Variants in PIK3C2G observed in about 807,000 individuals in gnomAD.
PIK3C2G encodes phosphatidylinositol 3-kinase C2 domain-containing subunit gamma.
A neutral mutation model predicts 181.1 loss-of-function variants in PIK3C2G; 168 were observed. The ratio of observed to expected loss-of-function variants is 0.93; its 90% CI spans 0.82 to 1.05. The LOEUF (loss-of-function observed/expected upper bound fraction) is 1.05. Among genes scored for constraint, PIK3C2G ranks in the 50% least tolerant of loss-of-function variants. The pLI, the probability that PIK3C2G is intolerant of heterozygous loss-of-function variation, is 0.00. For missense variants in PIK3C2G, 1,869 were observed against 1,732.8 expected (o/e 1.08, Z -1.40); for synonymous variants, 573 against 592.2 (o/e 0.97, Z 0.47).
intron 31 of PIK3C2G, among the ~76,000 whole-genome samples, chr12:18,628,538 C>A (rs1949203323): frequency 6.6e-6 from 1 of 152,126 alleles, no homozygotes; most frequent in Non-Finnish European, 1.5e-5. Flanking sequence ...TTTAATTATT[C>A]ATGTACTTAA....
At chr12:18,350,880 G>T (rs900291065) in intron 11 of PIK3C2G, among the ~76,000 whole-genome samples, 10 of 152,150 alleles carry the variant, frequency 6.6e-5, no homozygotes, top group African/African-American at 2.4e-4. Flanking sequence ...TATGATAGTG[G>T]GGGATACCAG....
chr12:18,257,085 T>G (rs1948153115), upstream of PIK3C2G, among the ~76,000 whole-genome samples: 1 of 152,182 alleles, frequency 6.6e-6, no homozygotes, highest in Admixed American at 6.5e-5. Flanking sequence ...GAATATTGCA[T>G]GCTTTAATCT....
At chr12:18,324,321 A>T (rs1406851583) in intron 7 of PIK3C2G, among the ~76,000 whole-genome samples, 1 of 152,188 alleles carries the variant, frequency 6.6e-6, no homozygotes, top group African/African-American at 2.4e-5. Context: ...GAACTGACAG[A>T]GGGACTCCAA....
In PIK3C2G at chr12:18,505,652, A is replaced by G. The variant is rs79046291; in HGVS notation, c.3323+191A>G. On this transcript the variant is annotated intron_variant, in intron 24 of 32. Coordinates refer to ENST00000538779, the MANE Select transcript of PIK3C2G (RefSeq NM_001288772.2). The stretch of plus-strand genomic sequence containing the variant: ...GTAGATTTTTAATGCAACAAATTTG[A>G]TTTCCTCAAATTGGTAGTAGACTAA... Among the ~76,000 whole-genome samples, 574 of 152,310 alleles carry G rather than the reference A, an allele frequency of 3.8e-3. 1 individual carries two copies. Among genetic ancestry groups the G allele is most frequent in the African/African-American group, 0.013 (538 of 41,556 alleles).
At chr12:18,568,535 A>G (rs1373823872) in intron 29 of PIK3C2G, among the ~76,000 whole-genome samples, 1 of 151,978 alleles carries the variant, frequency 6.6e-6, no homozygotes, top group South Asian at 2.1e-4. Flanking sequence ...ACCAGAGGAG[A>G]TTATTTACCA....
chr12:18,349,849 T>C (rs1940053855), intron 11 of PIK3C2G, among the ~76,000 whole-genome samples: 1 of 152,188 alleles, frequency 6.6e-6, no homozygotes, highest in African/African-American at 2.4e-5. Context: ...AAACCTCTAG[T>C]ACCCAAAACA....
intron 12 of PIK3C2G, among the ~76,000 whole-genome samples, chr12:18,369,502 T>C (rs1162381701): frequency 8.7e-6 from 1 of 115,172 alleles, no homozygotes; most frequent in Admixed American, 9.4e-5. Flanking sequence ...TATGATCATA[T>C]AACGATCGTA....
At chr12:18,631,474 G>T (rs1403812492) in intron 31 of PIK3C2G, among the ~76,000 whole-genome samples, 1 of 152,164 alleles carries the variant, frequency 6.6e-6, no homozygotes, top group South Asian at 2.1e-4. Context: ...TTCTTCTTCT[G>T]TAATGTGGAG....
chr12:18,255,309 T>G (rs1366662879), intron 1 of PIK3C2G, among the ~76,000 whole-genome samples: 1 of 152,094 alleles, frequency 6.6e-6, no homozygotes, highest in Admixed American at 6.5e-5. Context: ...GAGTCTATTC[T>G]GATTCTATTT....
At chr12:18,334,861 A>T (rs1293570006) in intron 8 of PIK3C2G, among the ~76,000 whole-genome samples, 2 of 152,010 alleles carry the variant, frequency 1.3e-5, no homozygotes, top group Non-Finnish European at 2.9e-5. Context: ...GTGTGTGTGC[A>T]TGCATTTGTA....
chr12:18,250,357 C>T (rs1427100932), intron 1 of PIK3C2G, among the ~76,000 whole-genome samples: 2 of 151,942 alleles, frequency 1.3e-5, no homozygotes, highest in Non-Finnish European at 2.9e-5. Flanking sequence ...CATTATTGTC[C>T]TTTTTCATAC....
At chr12:18,620,442 A>G (rs1948803217) in intron 31 of PIK3C2G, among the ~76,000 whole-genome samples, 1 of 152,012 alleles carries the variant, frequency 6.6e-6, no homozygotes, top group South Asian at 2.1e-4. Context: ...TAGCTTTTCT[A>G]TTCTTTTATT....
chr12:18,279,261 GGTA>G (rs1305760560), intron 1 of PIK3C2G, among the ~76,000 whole-genome samples: 1 of 151,896 alleles, frequency 6.6e-6, no homozygotes, highest in Non-Finnish European at 1.5e-5. Context: ...TTTGCTCAGT[GGTA>G]GTAATAATAT....
chr12:18,694,998 A>G, the PIK3C2G span: 1 of 1,611,108 alleles, frequency 6.2e-7, no homozygotes, highest in Non-Finnish European at 8.5e-7. Context: ...TGGTTTCAAA[A>G]TATATCCAGA....
chr12:18,607,422 C>T (rs1948087460), intron 30 of PIK3C2G, among the ~76,000 whole-genome samples: 1 of 152,094 alleles, frequency 6.6e-6, no homozygotes, highest in Non-Finnish European at 1.5e-5. Flanking sequence ...TGATCTTAGA[C>T]AAACCTGACA....
intron 20 of PIK3C2G, chr12:18,493,457 T>C (rs578039437): frequency 6.6e-6 from 1 of 152,488 alleles, no homozygotes; most frequent in Admixed American, 6.5e-5. Context: ...TAGTCAGAAC[T>C]CATGCCTCAT....
chr12:18,334,535 C>A (rs1565608984), intron 8 of PIK3C2G, among the ~76,000 whole-genome samples: 1 of 152,162 alleles, frequency 6.6e-6, no homozygotes, highest in African/African-American at 2.4e-5. Flanking sequence ...TATGTCTCCA[C>A]ACTAAGTGCT....
At chr12:18,356,173 C>A (rs983326225) in intron 11 of PIK3C2G, among the ~76,000 whole-genome samples, 1 of 152,204 alleles carries the variant, frequency 6.6e-6, no homozygotes, top group African/African-American at 2.4e-5. Context: ...CTATCCCCTG[C>A]AAATGGCATA....
chr12:18,710,590 T>C, the PIK3C2G span, among the ~76,000 whole-genome samples: 19 of 151,970 alleles, frequency 1.3e-4, no homozygotes, highest in South Asian at 2.1e-4. Context: ...TGAGATGAGA[T>C]TGCAGGGGAA....
Sources: allele counts gnomAD v4.1 joint callset (sites outside exome capture counted in the v4.1 genomes callset), GRCh38; gene constraint gnomAD v4.1.1; transcripts MANE v1.5; gene names NCBI Gene and HGNC (gene_info 2026-07-23, HGNC 2026-07-21).